GRWD1: variants seen among roughly 807,000 people sequenced by gnomAD.
GRWD1 encodes the protein glutamate-rich WD repeat-containing protein 1.
A neutral mutation model predicts 45.3 loss-of-function variants in GRWD1; 29 were observed. The observed-to-expected ratio is 0.64, with a 90% CI of 0.48 to 0.87. The LOEUF (loss-of-function observed/expected upper bound fraction) is 0.87, where lower values mean the gene tolerates loss of function less well. Among genes scored for constraint, GRWD1 ranks in the 40% least tolerant of loss-of-function variants. GRWD1 has a pLI of 0.00. For missense variants in GRWD1, 592 were observed against 618.8 expected (o/e 0.96, Z 0.46); for synonymous variants, 262 against 257.6 (o/e 1.02, Z -0.16).
At chr19:48,446,225 G>C (rs1471130911) in intron 1 of GRWD1, 33 bp downstream of exon 1, 1 of 1,584,740 alleles carries the variant, frequency 6.3e-7, no homozygotes. Context: ...GGGTCCTGAG[G>C]TGGCTGATCC....
intron 3 of GRWD1, among the ~76,000 whole-genome samples, chr19:48,448,421 G>T (rs1208546692): frequency 6.6e-6 from 1 of 152,158 alleles, no homozygotes; most frequent in African/African-American, 2.4e-5. Context: ...AGATGCAGAG[G>T]ATTTAGCAGC....
At chr19:48,448,672 C>T (rs1293452531) in intron 3 of GRWD1, among the ~76,000 whole-genome samples, 1 of 152,242 alleles carries the variant, frequency 6.6e-6, no homozygotes, top group South Asian at 2.1e-4. Flanking sequence ...GGGCAGTGAA[C>T]CCTGTAAAAG....
Position 48,453,012 on chromosome 19 carries a change from C to A in GRWD1, c.1328C>A (p.Thr443Asn). The stretch of plus-strand genomic sequence containing the variant: ...CTGTCAGGCTTCACCATCTTCCGCA[C>A]CATCAGCGTCTGAGGCGTCCCACTG... Reference protein sequence around the residue: ...TALSGFTIFRTISV With the variant: ...TALSGFTIFRNISV Residue 443 changes from threonine to asparagine, a missense_variant, in exon 7 of 7, where the codon ACC (threonine) becomes AAC (asparagine). Thr to Asn is a moderately conservative substitution (Grantham distance 65). Coordinates refer to ENST00000253237, the MANE Select transcript of GRWD1 (RefSeq NM_031485.4). 6.3e-7 allele frequency: 1 copy of A among 1,586,344 alleles called. No individual in the cohort carries two copies. The highest frequency in any genetic ancestry group is 2.3e-5 in the East Asian group (1 of 44,250).
chr19:48,451,819 A>G (rs1222440235), intron 6 of GRWD1, among the ~76,000 whole-genome samples: 1 of 152,128 alleles, frequency 6.6e-6, no homozygotes, highest in African/African-American at 2.4e-5. Context: ...TCGTTTCTAT[A>G]GCGTCAGCCC....
Position 48,454,644 on chromosome 19 carries a change from C to G in GRWD1, c.*1619C>G, listed in dbSNP as rs1050260623. 2.6e-5 allele frequency: 4 copies of G among 152,178 alleles called. No individual in the cohort carries two copies. Among genetic ancestry groups the G allele is most frequent in the Admixed American group, 2.0e-4 (3 of 15,250 alleles). 9.4% of individuals were successfully genotyped at this position (152,178 alleles called of 1,614,324 possible). On this transcript the variant is annotated 3_prime_UTR_variant, in exon 7 of 7. Transcript: ENST00000253237. ...CATCCCCTCCTGCTCTGCTGCGTCG[C>G]CCCCATCCACCCCTGCCCCAGCATC...
At position 48,446,423 on chromosome 19, in the gene GRWD1, CT is replaced by C. The variant is rs762903418; in HGVS notation, c.227del (p.Leu76ArgfsTer28). The C allele has an allele frequency of 1.2e-6, 2 of 1,614,088 alleles. No homozygotes were observed. The highest frequency in any genetic ancestry group is 2.7e-5 in the African/African-American group (2 of 74,936). ...CLSFDIVRDH[L>X]GDNRTELPLT... ...CAGCTTTGACATAGTCCGGGATCACCTGGGAGACAACCGGACAGAGCTTCCT... is the reference window on the plus strand; with the variant it reads ...CAGCTTTGACATAGTCCGGGATCACCGGGAGACAACCGGACAGAGCTTCCT... On this transcript the variant is annotated frameshift_variant, in exon 2 of 7. Coordinates refer to ENST00000253237, the MANE Select transcript of GRWD1 (RefSeq NM_031485.4). LOFTEE classifies it high-confidence loss of function.
chr19:48,453,114 C>T lies in GRWD1; in HGVS notation c.*89C>T, dbSNP rs946558263. ...GAAGGGGTTCATTCAGGTCTGTTGA[C>T]TGAGACTGGCCGGCCTGTGGGCTGC... On this transcript the variant is annotated 3_prime_UTR_variant, in exon 7 of 7. Transcript: ENST00000253237. 6 of 1,213,380 alleles carry T rather than the reference C, an allele frequency of 4.9e-6. No homozygotes were observed. The African/African-American group carries it at 6.1e-5, about 12-fold the overall frequency. 75.2% of individuals were successfully genotyped at this position (1,213,380 alleles called of 1,614,324 possible).
At position 48,446,678 on chromosome 19, in the gene GRWD1, C is replaced by G. The variant is rs371836169; in HGVS notation, c.306-3C>G. 57 of 1,581,998 alleles carry G rather than the reference C, an allele frequency of 3.6e-5. No individual in the cohort carries two copies. The African/African-American group carries it at 5.9e-4, about 16-fold the overall frequency. ...GCCTAACTCACCCCACAATTTCTCC[C>G]AGACTGATGATGCTTCGGATGCACA... On this transcript the variant is annotated splice_region_variant and splice_polypyrimidine_tract_variant and intron_variant, in intron 2 of 6. Coordinates refer to ENST00000253237, the MANE Select transcript of GRWD1 (RefSeq NM_031485.4).
chr19:48,451,334 C>A, intron 6 of GRWD1, 103 bp downstream of exon 6: 2 of 1,023,508 alleles, frequency 2.0e-6, no homozygotes, highest in Non-Finnish European at 2.8e-6. Flanking sequence ...ACAACCAGAG[C>A]TGGAGAGCCC....
At position 48,452,133 on chromosome 19, in the gene GRWD1, CTT is replaced by C. The variant is rs1247355003; in HGVS notation, c.1024-574_1024-573del. ...TTTTTTTTTGCGATGGAGTTTTGCT[CTT>C]GTTTCCCAGGCTGGAGTGCAGTGGC... On this transcript the variant is annotated intron_variant, in intron 6 of 6. Coordinates refer to ENST00000253237, the MANE Select transcript of GRWD1 (RefSeq NM_031485.4). The surrounding 1 kb of genome is among the most constrained non-coding windows in gnomAD (Gnocchi z 5.1). Among the ~76,000 whole-genome samples the C allele has an allele frequency of 2.1e-5, 3 of 140,812 alleles. No homozygotes were observed. Among genetic ancestry groups the C allele is most frequent in the African/African-American group, 5.3e-5 (2 of 37,408 alleles). 92.4% of individuals were successfully genotyped at this position (140,812 alleles called of 152,430 possible).
Position 48,450,747 on chromosome 19 carries a change from G to A in GRWD1, c.764G>A (p.Arg255Gln), listed in dbSNP as rs1207970981. The A allele has an allele frequency of 5.0e-6, 8 of 1,613,920 alleles. No individual in the cohort carries two copies. The highest frequency in any genetic ancestry group is 1.1e-5 in the South Asian group (1 of 91,074). ...TDGGSWHVDQ[R>Q]PFVGHTRSVE... ...GGCGGCTCCTGGCACGTGGACCAGC[G>A]GCCATTCGTGGGCCACACACGCTCT... is the stretch of plus-strand genomic sequence containing the variant. Residue 255 changes from arginine to glutamine, a missense_variant, in exon 5 of 7, where the codon CGG becomes CAG. Physicochemically the swap from Arg to Gln is conservative, Grantham distance 43. Coordinates refer to ENST00000253237, the MANE Select transcript of GRWD1 (RefSeq NM_031485.4). This position sits in a 1 kb window ranked among gnomAD's most constrained non-coding sequence, Gnocchi z 5.1.
At chr19:48,446,593 C>T (rs1569077448) in intron 2 of GRWD1, 88 bp from the exon 3 acceptor site, 3 of 1,557,432 alleles carry the variant, frequency 1.9e-6, no homozygotes, top group Non-Finnish European at 2.6e-6. Flanking sequence ...TTCTGCCTCT[C>T]GCAGATCCAG....
intron 6 of GRWD1, among the ~76,000 whole-genome samples, chr19:48,451,827 C>T (rs941033424): frequency 2.0e-5 from 3 of 152,208 alleles, no homozygotes; most frequent in African/African-American, 7.2e-5. Context: ...ATAGCGTCAG[C>T]CCTGGGGAGG....
rs201501296 is a variant in GRWD1 at position 48,450,388 on chromosome 19, C to T, written c.544C>T (p.Arg182Trp). 22 of 1,613,662 alleles carry T rather than the reference C, an allele frequency of 1.4e-5. No homozygotes were observed. Among genetic ancestry groups the T allele is most frequent in the African/African-American group, 6.7e-5 (5 of 75,040 alleles). The change falls in exon 4 of 7, where the codon CGG (arginine) becomes TGG (tryptophan). Residue 182 changes from arginine to tryptophan, a missense_variant. Coordinates refer to ENST00000253237, the MANE Select transcript of GRWD1 (RefSeq NM_031485.4). This position sits in a 1 kb window ranked among gnomAD's most constrained non-coding sequence, Gnocchi z 5.1. ...KGQVEVFALR[R>W]LLQVVEEPQA... ...CCAGGTGGAGGTGTTTGCGCTGCGG[C>T]GGCTTCTGCAGGTGGTGGAGGAGCC...
rs1971480891 is a variant in GRWD1, at chr19:48,452,069, A to G, written c.1024-639A>G. On this transcript the variant is annotated intron_variant, in intron 6 of 6. Coordinates refer to ENST00000253237, the MANE Select transcript of GRWD1 (RefSeq NM_031485.4). The surrounding 1 kb of genome is among the most constrained non-coding windows in gnomAD (Gnocchi z 5.1). ...GAATCTGCTGGGAGAGCTCTGGGAG[A>G]GCCATGCCCTCCTTTTTTTCTTTTT... Among the ~76,000 whole-genome samples the G allele has an allele frequency of 6.7e-6, 1 of 148,682 alleles. No homozygotes were observed. Among genetic ancestry groups the G allele is most frequent in the African/African-American group, 2.5e-5 (1 of 40,256 alleles).
At chr19:48,451,750 T>C (rs374782655) in intron 6 of GRWD1, among the ~76,000 whole-genome samples, 2 of 152,184 alleles carry the variant, frequency 1.3e-5, no homozygotes, top group East Asian at 1.9e-4. Context: ...AGCCGCAGCT[T>C]TGTGTGGCTC....
Position 48,453,232 on chromosome 19 carries a change from C to G in GRWD1, c.*207C>G. 1.9e-6 allele frequency: 1 copy of G among 533,596 alleles called. No individual in the cohort carries two copies. Among genetic ancestry groups the G allele is most frequent in the Non-Finnish European group, 3.3e-6 (1 of 301,644 alleles). The allele number at this position is 533,596 out of a possible 1,614,324, so 33.1% of individuals were successfully genotyped here. ...CAAAGAACTCGGTTTAACCAGGGCT[C>G]TGTAAGACCACTCCCACCCAGAGAC... On this transcript the variant is annotated 3_prime_UTR_variant, in exon 7 of 7. Transcript: ENST00000253237.
intron 3 of GRWD1, among the ~76,000 whole-genome samples, chr19:48,447,610 C>G (rs545539316): frequency 5.9e-5 from 9 of 152,028 alleles, no homozygotes; most frequent in African/African-American, 1.9e-4. Flanking sequence ...CTCCTGACCT[C>G]GAGTGATTGA....
intron 3 of GRWD1, among the ~76,000 whole-genome samples, chr19:48,449,689 T>TG (rs1329257935): frequency 6.6e-6 from 1 of 152,056 alleles, no homozygotes; most frequent in Non-Finnish European, 1.5e-5. Context: ...GATGTGATGG[T>TG]GCTTACCCAT....
Sources: gnomAD v4.1 joint callset for allele counts (sites outside exome capture counted in the v4.1 genomes callset) on GRCh38, gnomAD v4.1.1 for gene constraint, Gnocchi (gnomAD v3.1) non-coding constraint, MANE v1.5 for transcripts, NCBI Gene and HGNC (gene_info 2026-07-23, HGNC 2026-07-21) for gene names.